The following NHEJ1 variants were observed in gnomAD, a reference collection of about 807,000 sequenced individuals.
The protein encoded by NHEJ1 is non-homologous end-joining factor 1.
NHEJ1 carries 22 observed loss-of-function variants against 39.4 expected under a neutral mutation model. That is an observed-to-expected ratio of 0.56 (90% confidence interval 0.40 to 0.80). The LOEUF (loss-of-function observed/expected upper bound fraction) is 0.80. Among genes scored for constraint, NHEJ1 ranks in the 30% least tolerant of loss-of-function variants. The pLI is 0.00. For synonymous variants in NHEJ1, 154 were observed against 135.6 expected (o/e 1.14, Z -0.94); for missense variants, 329 against 357.1 (o/e 0.92, Z 0.63).
intron 3 of NHEJ1, among the ~76,000 whole-genome samples, chr2:219,152,950 G>GC (rs2106365568): frequency 6.6e-6 from 1 of 152,014 alleles, no homozygotes; most frequent in South Asian, 2.1e-4. Context: ...TTACAGGCAT[G>GC]CACCACCATG....
chr2:219,139,738 A>C (rs1949672217), intron 5 of NHEJ1, among the ~76,000 whole-genome samples: 1 of 152,014 alleles, frequency 6.6e-6, no homozygotes. Context: ...GTGCAGTGGC[A>C]CGATCTCGGC....
At position 219,157,694 on chromosome 2, in the gene NHEJ1, G is replaced by A. The variant is rs1275074630; in HGVS notation, c.178-10C>T. The A allele has an allele frequency of 6.2e-7, 1 of 1,609,922 alleles. No homozygotes were observed. The highest frequency in any genetic ancestry group is 1.1e-5 in the South Asian group (1 of 90,484). ...GCCGCTTGTTCAGCTCCTAAAGAGA[G>A]AGCAGTGGTACAGAGTAAGGGTGCT... On this transcript the variant is annotated splice_polypyrimidine_tract_variant and intron_variant, in intron 2 of 7. Transcript: ENST00000356853.
chr2:219,153,755 T>C (rs563740065), intron 3 of NHEJ1, among the ~76,000 whole-genome samples: 1 of 150,076 alleles, frequency 6.7e-6, no homozygotes, highest in Non-Finnish European at 1.5e-5. Context: ...AAACCCAATA[T>C]ATTCCATAAT....
chr2:219,088,768 C>G (rs1293209228), intron 5 of NHEJ1, among the ~76,000 whole-genome samples: 1 of 152,160 alleles, frequency 6.6e-6, no homozygotes, highest in Non-Finnish European at 1.5e-5. Flanking sequence ...CTGTACACTT[C>G]TGATATGGGC....
intron 1 of NHEJ1, 32 bp from the exon 2 acceptor site, chr2:219,158,394 T>C: frequency 6.2e-7 from 1 of 1,610,788 alleles, no homozygotes; most frequent in Non-Finnish European, 8.5e-7. Context: ...GTAAAGAGCC[T>C]CAGGGTCATG....
chr2:219,137,376 T>G (rs1012053483), intron 5 of NHEJ1, among the ~76,000 whole-genome samples: 1 of 151,944 alleles, frequency 6.6e-6, no homozygotes, highest in African/African-American at 2.4e-5. Flanking sequence ...CTAATATTCC[T>G]AAAGATCACC....
At chr2:219,101,051 T>C (rs1447095566) in intron 5 of NHEJ1, among the ~76,000 whole-genome samples, 2 of 152,208 alleles carry the variant, frequency 1.3e-5, no homozygotes, top group African/African-American at 4.8e-5. Flanking sequence ...TCACATTACA[T>C]ATATTCTTAT....
intron 5 of NHEJ1, among the ~76,000 whole-genome samples, chr2:219,135,576 T>C (rs11888438): frequency 0.018 from 2,752 of 152,294 alleles, 84 homozygotes; most frequent in African/African-American, 0.062. Flanking sequence ...CCCACTGCAC[T>C]CCAGCCTACA....
intron 1 of NHEJ1, chr2:219,158,673 TATAAC>T (rs1949881417): frequency 4.9e-6 from 2 of 405,960 alleles, no homozygotes; most frequent in African/African-American, 4.1e-5. Flanking sequence ...TTTCTAATAC[TATAAC>T]ATAACGTGGA....
intron 3 of NHEJ1, among the ~76,000 whole-genome samples, chr2:219,150,825 G>C (rs1485324592): frequency 5.3e-5 from 8 of 151,986 alleles, no homozygotes; most frequent in Admixed American, 5.2e-4. Context: ...GCATGGTGGC[G>C]GGTGCCTGTA....
chr2:219,150,305 C>G (rs1049538512), intron 3 of NHEJ1, among the ~76,000 whole-genome samples: 18 of 152,288 alleles, frequency 1.2e-4, no homozygotes, highest in Admixed American at 8.5e-4. Flanking sequence ...TGGAAGGGTT[C>G]TGGCACAGAG....
intron 6 of NHEJ1, 38 bp from the exon 7 acceptor site, chr2:219,077,402 G>T: frequency 1.4e-6 from 2 of 1,436,486 alleles, no homozygotes; most frequent in Non-Finnish European, 2.0e-6. Context: ...AGTGATAAAT[G>T]CCTTCTTCTT....
intron 5 of NHEJ1, among the ~76,000 whole-genome samples, chr2:219,133,345 T>C (rs1354789485): frequency 1.3e-5 from 2 of 152,260 alleles, no homozygotes; most frequent in African/African-American, 4.8e-5. Context: ...ATACTTTCTT[T>C]TCTCCTAATT....
At chr2:219,106,111 T>C (rs922124670) in intron 5 of NHEJ1, among the ~76,000 whole-genome samples, 1 of 152,148 alleles carries the variant, frequency 6.6e-6, no homozygotes, top group African/African-American at 2.4e-5. Flanking sequence ...GAAAGAAAGG[T>C]AATACCAGCA....
chr2:219,084,073 C>A (rs1949090818), intron 5 of NHEJ1, among the ~76,000 whole-genome samples: 1 of 147,762 alleles, frequency 6.8e-6, no homozygotes, highest in Non-Finnish European at 1.5e-5. Flanking sequence ...GTGGTACAGT[C>A]TCCGCTCACT....
chr2:219,080,612 AGCTTATATATAT>A (rs769748466), intron 5 of NHEJ1, among the ~76,000 whole-genome samples: 14,661 of 121,022 alleles, frequency 0.12, 899 homozygotes, highest in East Asian at 0.16. Flanking sequence ...AATATATATA[AGCTTATATATAT>A]GCTAATATAT....
rs116362167 is a variant in NHEJ1, at chr2:219,151,686, A to C, written c.391-3891T>G. Among the ~76,000 whole-genome samples the C allele has an allele frequency of 3.2e-3, 480 of 152,248 alleles. 2 individuals are homozygous for C. The highest frequency in any genetic ancestry group is 0.01 in the African/African-American group (434 of 41,548). On this transcript the variant is annotated intron_variant, in intron 3 of 7. Transcript: ENST00000356853. ...GAAAATATGTGTTAATGGGCATATG[A>C]GAGACTAGATAAAATGTGTAAAAAA... is the stretch of plus-strand genomic sequence containing the variant.
chr2:219,151,218 T>C (rs1244811913), intron 3 of NHEJ1, among the ~76,000 whole-genome samples: 1 of 152,062 alleles, frequency 6.6e-6, no homozygotes, highest in African/African-American at 2.4e-5. Flanking sequence ...CAGTGAATAT[T>C]TGATGAGTTG....
intron 5 of NHEJ1, among the ~76,000 whole-genome samples, chr2:219,146,229 T>C (rs1398852085): frequency 6.6e-6 from 1 of 152,178 alleles, no homozygotes; most frequent in African/African-American, 2.4e-5. Flanking sequence ...CACAACCTAC[T>C]GTGCCCACAA....
Sources: gnomAD v4.1 joint callset for allele counts (sites outside exome capture counted in the v4.1 genomes callset) on GRCh38, gnomAD v4.1.1 for gene constraint, MANE v1.5 for transcripts, NCBI Gene and HGNC (gene_info 2026-07-23, HGNC 2026-07-21) for gene names.